PDE10A: variants seen among roughly 807,000 people sequenced by gnomAD.
The protein encoded by PDE10A is phosphodiesterase 10A.
PDE10A carries 39 observed loss-of-function variants against 97.7 expected under a neutral mutation model. That is an observed-to-expected ratio of 0.40 (90% confidence interval 0.31 to 0.52). The LOEUF is 0.52. PDE10A is among the 20% of genes least tolerant of loss of function. The pLI is 0.56. For missense variants in PDE10A, 731 were observed against 1,047.8 expected (o/e 0.70, Z 4.17); for synonymous variants, 371 against 376.8 (o/e 0.98, Z 0.18).
chr6:165,630,122 T>G (rs116102369), intron 1 of PDE10A, among the ~76,000 whole-genome samples: 2,193 of 152,050 alleles, frequency 0.014, 40 homozygotes, highest in African/African-American at 0.046. Context: ...CTGAGACGGG[T>G]GAACTGCACT....
At chr6:165,720,808 G>A (rs1197040918) in intron 1 of PDE10A, among the ~76,000 whole-genome samples, 1 of 152,162 alleles carries the variant, frequency 6.6e-6, no homozygotes, top group Non-Finnish European at 1.5e-5. Context: ...ATCAGACAAA[G>A]ACCAGTCTCC....
At chr6:165,947,803 G>T (rs189941186) in intron 1 of PDE10A, among the ~76,000 whole-genome samples, 17 of 152,214 alleles carry the variant, frequency 1.1e-4, no homozygotes, top group Non-Finnish European at 1.5e-5. Flanking sequence ...AATCGTATGG[G>T]TTTTTGGCTG....
intron 1 of PDE10A, among the ~76,000 whole-genome samples, chr6:165,901,415 G>A (rs1338289123): frequency 6.6e-6 from 1 of 152,166 alleles, no homozygotes; most frequent in Admixed American, 6.5e-5. Flanking sequence ...GCGGCACAGA[G>A]AACAAAGCCC....
rs545743355 is a variant in PDE10A at position 165,697,094 on chromosome 6, G to A, written c.-614-153526C>T. 7.9e-5 allele frequency among the ~76,000 whole-genome samples: 12 copies of A among 152,196 alleles called. No individual in the cohort carries two copies. The South Asian group carries it at 8.3e-4, about 11-fold the overall frequency. On this transcript the variant is annotated intron_variant, in intron 1 of 19. Coordinates refer to the PDE10A transcript ENST00000366882. ...TACATATCATGGAAGTACCAGAAATGAGGAAAAAAGTATTCAAATAAATAA... is the reference window on the plus strand; with the variant it reads ...TACATATCATGGAAGTACCAGAAATAAGGAAAAAAGTATTCAAATAAATAA...
At chr6:165,333,393 C>T (rs544048604) in intron 21 of PDE10A, among the ~76,000 whole-genome samples, 34 of 152,262 alleles carry the variant, frequency 2.2e-4, no homozygotes, top group African/African-American at 6.7e-4. Flanking sequence ...GCTCAGCATA[C>T]GTCCTTTCTT....
chr6:165,462,979 T>C (rs1215514745), intron 3 of PDE10A, among the ~76,000 whole-genome samples: 1 of 152,208 alleles, frequency 6.6e-6, no homozygotes, highest in Non-Finnish European at 1.5e-5. Context: ...GTAAACAGGA[T>C]TGGACCCAGT....
Position 165,920,622 on chromosome 6 carries a change from G to T in PDE10A, c.-615+66907C>A, listed in dbSNP as rs201880085. Among the ~76,000 whole-genome samples, 22 of 152,120 alleles carry T rather than the reference G, an allele frequency of 1.4e-4. No homozygotes were observed. The East Asian group carries it at 4.1e-3, about 28-fold the overall frequency. ...CAGGACAAATATAAAAGTCAGCAAT[G>T]AGCCATACTTAACTCTTCTATTTTG... On this transcript the variant is annotated intron_variant, in intron 1 of 19. Transcript: ENST00000366882.
At chr6:165,414,098 T>C (rs1366640037) in intron 12 of PDE10A, among the ~76,000 whole-genome samples, 5 of 152,220 alleles carry the variant, frequency 3.3e-5, no homozygotes, top group Non-Finnish European at 4.4e-5. Flanking sequence ...AACCAACTTA[T>C]AGTGTTTCCA....
intron 1 of PDE10A, among the ~76,000 whole-genome samples, chr6:165,611,979 C>T (rs1787513925): frequency 6.6e-6 from 1 of 152,230 alleles, no homozygotes; most frequent in South Asian, 2.1e-4. Flanking sequence ...TTCATACATC[C>T]TCATCTCCCT....
At chr6:165,490,520 G>A (rs1280972332) in intron 2 of PDE10A, among the ~76,000 whole-genome samples, 1 of 151,786 alleles carries the variant, frequency 6.6e-6, no homozygotes, top group Non-Finnish European at 1.5e-5. Flanking sequence ...ATCCTCACAG[G>A]ACCTATAAAA....
chr6:165,824,736 C>G (rs1779676021), intron 1 of PDE10A, among the ~76,000 whole-genome samples: 1 of 152,018 alleles, frequency 6.6e-6, no homozygotes, highest in African/African-American at 2.4e-5. Context: ...TCATGTTTTT[C>G]TTTCAGGACA....
chr6:165,831,355 G>C (rs1486875886), intron 1 of PDE10A, among the ~76,000 whole-genome samples: 1 of 88,304 alleles, frequency 1.1e-5, no homozygotes, highest in African/African-American at 4.6e-5. Context: ...CTGGGCGAGA[G>C]AGCGAGACTC....
chr6:165,588,388 T>C (rs1366457412), intron 1 of PDE10A, among the ~76,000 whole-genome samples: 1 of 149,916 alleles, frequency 6.7e-6, no homozygotes, highest in East Asian at 2.0e-4. Context: ...CCTCCTAGGT[T>C]CAAGCAATTC....
intron 1 of PDE10A, among the ~76,000 whole-genome samples, chr6:165,743,696 C>T (rs1792780905): frequency 1.3e-5 from 2 of 152,232 alleles, no homozygotes; most frequent in South Asian, 4.1e-4. Context: ...GAGTGATTCA[C>T]ATCCTGACAT....
intron 3 of PDE10A, 56 bp downstream of exon 3, chr6:165,482,255 TAAAC>T (rs754538734): frequency 1.0e-5 from 12 of 1,150,848 alleles, no homozygotes; most frequent in Non-Finnish European, 1.6e-5. Flanking sequence ...TACTGAGAGA[TAAAC>T]AAAACAGATT....
chr6:165,942,454 C>A (rs1045501854), intron 1 of PDE10A, among the ~76,000 whole-genome samples: 1 of 152,162 alleles, frequency 6.6e-6, no homozygotes, highest in African/African-American at 2.4e-5. Flanking sequence ...TGCCCCTTTG[C>A]ACCCAGAGAA....
chr6:165,551,356 A>G lies in PDE10A; in HGVS notation c.866-7788T>C, dbSNP rs191039736. ...CCTCCTTCCCCACCAAAAAGATAAA[A>G]CAGCTAATAGCATTTGTTAATAACT... On this transcript the variant is annotated intron_variant, in intron 1 of 21. Transcript: ENST00000539869. Among the ~76,000 whole-genome samples, 582 of 152,308 alleles carry G rather than the reference A, an allele frequency of 3.8e-3. 4 individuals carry two copies. The highest frequency in any genetic ancestry group is 0.013 in the African/African-American group (555 of 41,572).
intron 1 of PDE10A, among the ~76,000 whole-genome samples, chr6:165,935,047 A>G (rs933302590): frequency 1.6e-4 from 24 of 152,386 alleles, no homozygotes; most frequent in African/African-American, 5.8e-4. Context: ...TATCAGACGT[A>G]GTTCCTTCCC....
intron 1 of PDE10A, among the ~76,000 whole-genome samples, chr6:165,721,595 C>G (rs1400047803): frequency 6.6e-6 from 1 of 152,144 alleles, no homozygotes. Context: ...AATCCAGATG[C>G]TTTTTCTGGT....
Sources: allele counts gnomAD v4.1 joint callset (sites outside exome capture counted in the v4.1 genomes callset), GRCh38; gene constraint gnomAD v4.1.1; transcripts MANE v1.5; gene names NCBI Gene and HGNC (gene_info 2026-07-23, HGNC 2026-07-21).